PRKN: variants seen among roughly 807,000 people sequenced by gnomAD.
PRKN encodes parkin RBR E3 ubiquitin protein ligase.
Under a neutral mutation model 59.5 loss-of-function variants are expected in PRKN, and 56 were observed. The ratio of observed to expected loss-of-function variants is 0.94; its 90% CI spans 0.76 to 1.18. The LOEUF (loss-of-function observed/expected upper bound fraction) is 1.18. Among genes scored for constraint, PRKN ranks in the 50% most tolerant of loss-of-function variants. PRKN has a pLI of 0.00. For missense variants in PRKN, 657 were observed against 596.4 expected (o/e 1.10, Z -1.06); for synonymous variants, 250 against 222.1 (o/e 1.13, Z -1.12).
At chr6:162,504,480 T>C (rs1188077388) in intron 1 of PRKN, among the ~76,000 whole-genome samples, 5 of 152,186 alleles carry the variant, frequency 3.3e-5, no homozygotes, top group African/African-American at 1.2e-4. Flanking sequence ...GAACAGATAA[T>C]AGATCAATGG....
In PRKN at chr6:161,423,994, G is replaced by C. The variant is rs1562438727; in HGVS notation, c.1084-37117C>G. On this transcript the variant is annotated intron_variant, in intron 9 of 11. Transcript: ENST00000366898. The surrounding 1 kb of genome is among the most constrained non-coding windows in gnomAD (Gnocchi z 5.9). ...AAGCACAAGGCTGGTATTGAGACTG[G>C]AGTACGGCATGTAGTGTTGAAGATA... Among the ~76,000 whole-genome samples the C allele has an allele frequency of 6.6e-6, 1 of 152,166 alleles. No individual in the cohort carries two copies. Among genetic ancestry groups the C allele is most frequent in the African/African-American group, 2.4e-5 (1 of 41,452 alleles).
At chr6:162,493,430 T>C (rs1462682303) in intron 1 of PRKN, among the ~76,000 whole-genome samples, 1 of 152,160 alleles carries the variant, frequency 6.6e-6, no homozygotes, top group Non-Finnish European at 1.5e-5. Context: ...CCAAGGACAC[T>C]CAGCAATGCC....
intron 2 of PRKN, among the ~76,000 whole-genome samples, chr6:162,343,775 A>T (rs927258003): frequency 2.6e-5 from 4 of 152,192 alleles, no homozygotes; most frequent in Non-Finnish European, 5.9e-5. Context: ...ATAATGCAAG[A>T]TATGCAAAAT....
At chr6:161,996,195 T>C (rs1205762463) in intron 5 of PRKN, among the ~76,000 whole-genome samples, 3 of 134,662 alleles carry the variant, frequency 2.2e-5, no homozygotes, top group African/African-American at 2.8e-5. Context: ...CACACACACA[T>C]ACACACGAGT....
intron 6 of PRKN, among the ~76,000 whole-genome samples, chr6:161,961,638 G>C (rs1194183249): frequency 6.6e-6 from 1 of 152,166 alleles, no homozygotes; most frequent in African/African-American, 2.4e-5. Context: ...ACCTGCTAGA[G>C]AGTGTCCCCG....
At chr6:162,347,770 G>T (rs1401928440) in intron 2 of PRKN, among the ~76,000 whole-genome samples, 3 of 152,094 alleles carry the variant, frequency 2.0e-5, no homozygotes, top group African/African-American at 7.2e-5. Context: ...TTTAAAAAGA[G>T]CTTCAAGCTC....
chr6:162,312,237 G>C (rs79413956), intron 2 of PRKN, among the ~76,000 whole-genome samples: 2,588 of 152,068 alleles, frequency 0.017, 58 homozygotes, highest in African/African-American at 0.057. Context: ...TCATTTTATG[G>C]CCTTAGGACT....
chr6:162,130,454 T>C (rs1781306862), intron 4 of PRKN, among the ~76,000 whole-genome samples: 1 of 152,094 alleles, frequency 6.6e-6, no homozygotes, highest in Non-Finnish European at 1.5e-5. Context: ...CAGGTCCAGG[T>C]CTGATGTTAA....
At chr6:162,104,686 G>A (rs761004092) in intron 4 of PRKN, among the ~76,000 whole-genome samples, 6 of 152,144 alleles carry the variant, frequency 3.9e-5, no homozygotes, top group Admixed American at 2.0e-4. Flanking sequence ...CAAGCCCACC[G>A]TGTAACACCA....
Position 162,065,937 on chromosome 6 carries a change from A to G in PRKN, c.535-11763T>C, listed in dbSNP as rs535291970. 4.6e-5 allele frequency among the ~76,000 whole-genome samples: 7 copies of G among 152,320 alleles called. No individual in the cohort carries two copies. In the East Asian group the frequency reaches 1.2e-3, roughly 25 times the overall value. On this transcript the variant is annotated intron_variant, in intron 4 of 11. Transcript: ENST00000366898. The stretch of plus-strand genomic sequence containing the variant: ...ATGACTGCATAGAATTCCATGGTGT[A>G]TATGTGCCACATTTTCTTATTCCAG...
At chr6:162,380,020 T>G (rs1419394140) in intron 2 of PRKN, among the ~76,000 whole-genome samples, 1 of 152,102 alleles carries the variant, frequency 6.6e-6, no homozygotes, top group East Asian at 1.9e-4. Context: ...TCAAAACAAT[T>G]CAATATCCAG....
At chr6:162,330,941 AG>A (rs1300739144) in intron 2 of PRKN, among the ~76,000 whole-genome samples, 4 of 152,180 alleles carry the variant, frequency 2.6e-5, no homozygotes, top group African/African-American at 9.7e-5. Flanking sequence ...TACAGACCCC[AG>A]GGGTCCTTCA....
intron 7 of PRKN, among the ~76,000 whole-genome samples, chr6:161,767,338 G>A (rs1048263826): frequency 3.9e-5 from 6 of 152,012 alleles, no homozygotes; most frequent in Non-Finnish European, 5.9e-5. Context: ...ACGGTGAAAC[G>A]CCATCTCTAC....
rs1789412325 is a variant in PRKN, at chr6:161,444,863, T to C, written c.1084-57986A>G. On this transcript the variant is annotated intron_variant, in intron 9 of 11. Transcript: ENST00000366898. The surrounding 1 kb of genome is among the most constrained non-coding windows in gnomAD (Gnocchi z 5.6). ...CCAGAGGTATTTGTTATCAGTTTAA[T>C]AGATTTATTCCTGTTTTGCTAAGGT... Among the ~76,000 whole-genome samples the C allele has an allele frequency of 6.6e-6, 1 of 152,232 alleles. No homozygotes were observed. Among genetic ancestry groups the C allele is most frequent in the South Asian group, 2.1e-4 (1 of 4,830 alleles).
At chr6:162,217,112 C>T (rs968415337) in intron 3 of PRKN, among the ~76,000 whole-genome samples, 1 of 152,280 alleles carries the variant, frequency 6.6e-6, no homozygotes, top group East Asian at 1.9e-4. Context: ...CGAAGAATCT[C>T]TCCTTAATCA....
At chr6:161,853,899 G>A (rs62436141) in intron 6 of PRKN, among the ~76,000 whole-genome samples, 7,940 of 152,036 alleles carry the variant, frequency 0.052, 206 homozygotes, top group East Asian at 0.067. Flanking sequence ...TTCAAGTGGC[G>A]CTGCAGTGAG....
intron 2 of PRKN, chr6:162,269,990 T>C (rs1325770879): frequency 2.0e-5 from 3 of 152,162 alleles, no homozygotes; most frequent in Non-Finnish European, 4.4e-5. Flanking sequence ...AAAGCAGAAC[T>C]ACCATTTGAT....
intron 1 of PRKN, among the ~76,000 whole-genome samples, chr6:162,496,237 G>A (rs755947390): frequency 1.3e-5 from 2 of 151,690 alleles, no homozygotes; most frequent in Admixed American, 1.3e-4. Context: ...ACTCAGTCTC[G>A]GGGGAAAAAA....
At chr6:162,487,286 C>T (rs892302522) in intron 1 of PRKN, among the ~76,000 whole-genome samples, 7 of 152,112 alleles carry the variant, frequency 4.6e-5, no homozygotes, top group African/African-American at 1.7e-4. Context: ...ACAGCCTCTG[C>T]GTTTTCATTC....
Sources: gnomAD v4.1 joint callset for allele counts (sites outside exome capture counted in the v4.1 genomes callset) on GRCh38, gnomAD v4.1.1 for gene constraint, Gnocchi (gnomAD v3.1) non-coding constraint, MANE v1.5 for transcripts, NCBI Gene and HGNC (gene_info 2026-07-23, HGNC 2026-07-21) for gene names.